MYO3B: variants seen among roughly 807,000 people sequenced by gnomAD.
MYO3B encodes the protein myosin-IIIb.
In MYO3B, 156 loss-of-function variants were observed where a neutral mutation model predicts 174.6. The ratio of observed to expected loss-of-function variants is 0.89; its 90% CI spans 0.78 to 1.02. The LOEUF is 1.02. Among genes scored for constraint, MYO3B ranks in the 50% least tolerant of loss-of-function variants. The pLI, the probability that MYO3B is intolerant of heterozygous loss-of-function variation, is 0.00. For synonymous variants in MYO3B, 563 were observed against 569.1 expected, an observed-to-expected ratio of 0.99 and a Z score of 0.15; for missense variants, 1,632 against 1,639.4, an observed-to-expected ratio of 1.00 and a Z score of 0.08.
At chr2:170,317,843 G>T (rs947870469) in intron 7 of MYO3B, among the ~76,000 whole-genome samples, 4 of 152,160 alleles carry the variant, frequency 2.6e-5, no homozygotes, top group Admixed American at 2.0e-4. Context: ...CTTTACTGCA[G>T]GATTTCCTAG....
intron 6 of MYO3B, among the ~76,000 whole-genome samples, chr2:170,218,077 T>C (rs140177007): frequency 6.6e-6 from 1 of 152,278 alleles, no homozygotes; most frequent in East Asian, 1.9e-4. Context: ...GTTCTTTTAA[T>C]AAAAGGACTC....
rs1015818915 is a variant in MYO3B at position 170,206,633 on chromosome 2, C to T, written c.321+6349C>T. Among the ~76,000 whole-genome samples the T allele has an allele frequency of 5.3e-5, 8 of 152,090 alleles. No individual in the cohort carries two copies. The highest frequency in any genetic ancestry group is 1.9e-4 in the African/African-American group (8 of 41,410). On this transcript the variant is annotated intron_variant, in intron 3 of 34. Transcript: ENST00000408978. This position sits in a 1 kb window ranked among gnomAD's most constrained non-coding sequence, Gnocchi z 4.3. ...AGTGACTTTGTGGAGTGGCATATTC[C>T]AGTATTTATATCCAATTTTCACTGT...
intron 6 of MYO3B, among the ~76,000 whole-genome samples, chr2:170,229,253 TCA>T (rs1317232106): frequency 5.3e-5 from 8 of 152,362 alleles, no homozygotes; most frequent in Admixed American, 1.3e-4. Flanking sequence ...TTCCTACCTC[TCA>T]GCCCATCTTA....
intron 30 of MYO3B, among the ~76,000 whole-genome samples, chr2:170,532,293 A>G (rs1377595190): frequency 6.6e-6 from 1 of 152,256 alleles, no homozygotes; most frequent in African/African-American, 2.4e-5. Flanking sequence ...AAACTATTCC[A>G]GATGAAAGGG....
intron 6 of MYO3B, among the ~76,000 whole-genome samples, chr2:170,230,163 T>G (rs1409406151): frequency 1.4e-5 from 2 of 140,198 alleles, no homozygotes; most frequent in East Asian, 2.0e-4. Context: ...GGGGACCTAG[T>G]TTTTTTTTTT....
intron 32 of MYO3B, among the ~76,000 whole-genome samples, chr2:170,588,013 A>G (rs556409358): frequency 4.7e-4 from 71 of 152,306 alleles, no homozygotes; most frequent in African/African-American, 1.4e-3. Context: ...GGACAAGTCA[A>G]TGTCAGGTTT....
At chr2:170,550,567 T>A (rs891462147) in intron 32 of MYO3B, among the ~76,000 whole-genome samples, 2 of 152,256 alleles carry the variant, frequency 1.3e-5, no homozygotes, top group Non-Finnish European at 2.9e-5. Flanking sequence ...GCTTTATATA[T>A]GTGGCTTTCT....
chr2:170,321,931 C>T (rs145038219), intron 7 of MYO3B, among the ~76,000 whole-genome samples: 169 of 151,896 alleles, frequency 1.1e-3, no homozygotes, highest in African/African-American at 3.9e-3. Flanking sequence ...CTGGCCAACA[C>T]GGTGAAACCC....
intron 22 of MYO3B, among the ~76,000 whole-genome samples, chr2:170,414,688 T>A (rs1033995535): frequency 3.3e-5 from 5 of 152,378 alleles, no homozygotes; most frequent in Non-Finnish European, 7.3e-5. Flanking sequence ...GCAACCTTGC[T>A]ATGTTGAATA....
intron 16 of MYO3B, among the ~76,000 whole-genome samples, chr2:170,393,766 G>A (rs1400598754): frequency 2.0e-5 from 3 of 152,024 alleles, no homozygotes; most frequent in South Asian, 4.2e-4. Context: ...CTAGCCAGCT[G>A]TTAATTTTCT....
chr2:170,495,995 A>C (rs921062147), intron 25 of MYO3B, among the ~76,000 whole-genome samples: 16 of 152,224 alleles, frequency 1.1e-4, no homozygotes, highest in African/African-American at 3.9e-4. Context: ...GTCCAGAGAA[A>C]GGTCTAAGCT....
At chr2:170,452,604 A>G (rs1412236941) in intron 23 of MYO3B, among the ~76,000 whole-genome samples, 1 of 152,236 alleles carries the variant, frequency 6.6e-6, no homozygotes, top group Non-Finnish European at 1.5e-5. Context: ...GACTCCAGCC[A>G]GGAAAGCCAA....
At chr2:170,491,353 T>A (rs1686454540) in intron 25 of MYO3B, among the ~76,000 whole-genome samples, 1 of 152,242 alleles carries the variant, frequency 6.6e-6, no homozygotes. Flanking sequence ...GATATCTTTC[T>A]GTTGTTGATT....
chr2:170,641,537 C>T (rs1479349394), intron 32 of MYO3B: 1 of 152,030 alleles, frequency 6.6e-6, no homozygotes, highest in African/African-American at 2.4e-5. Context: ...TATAGAAAAA[C>T]ATTGGAAACA....
intron 3 of MYO3B, among the ~76,000 whole-genome samples, chr2:170,207,034 A>G (rs1319382625): frequency 6.6e-6 from 1 of 152,178 alleles, no homozygotes; most frequent in African/African-American, 2.4e-5. Flanking sequence ...AATCTCAAGC[A>G]TGGTCTACCT....
chr2:170,481,191 C>T (rs1685665763), intron 25 of MYO3B, among the ~76,000 whole-genome samples: 1 of 152,202 alleles, frequency 6.6e-6, no homozygotes. Flanking sequence ...CATTAGACTT[C>T]TTTTCTTTTC....
intron 22 of MYO3B, among the ~76,000 whole-genome samples, chr2:170,440,115 T>G (rs1380989781): frequency 6.6e-6 from 1 of 152,216 alleles, no homozygotes; most frequent in African/African-American, 2.4e-5. Flanking sequence ...GAAGAGATTA[T>G]TTTACCCCAT....
chr2:170,329,152 C>CA lies in MYO3B; in HGVS notation c.750-6222dup, dbSNP rs57648392. 3.8e-4 allele frequency among the ~76,000 whole-genome samples: 52 copies of CA among 136,820 alleles called. 1 individual carries two copies. The highest frequency in any genetic ancestry group is 2.6e-3 in the South Asian group (11 of 4,300). The allele number at this position is 136,820 out of a possible 152,430, so 89.8% of individuals were successfully genotyped here. On this transcript the variant is annotated intron_variant, in intron 7 of 34. Transcript: ENST00000408978. ...GGGCGACTGAGTGAGACTCTGTCTC[C>CA]AAAAAAAAAAATACTACTACTACTA... is the stretch of plus-strand genomic sequence containing the variant.
Position 170,356,213 on chromosome 2 carries a change from G to A in MYO3B, c.816-13009G>A, listed in dbSNP as rs182747986. Among the ~76,000 whole-genome samples the A allele has an allele frequency of 9.7e-3, 1,474 of 151,326 alleles. 26 individuals are homozygous for A. Among genetic ancestry groups the A allele is most frequent in the African/African-American group, 0.031 (1,298 of 41,214 alleles). On this transcript the variant is annotated intron_variant, in intron 8 of 34. Transcript: ENST00000408978. ...CCTGACCTCGTGATCCGCCCACCTC[G>A]GCCTCCCAAAGTGCTGGGATTACAG...
Sources: allele counts gnomAD v4.1 joint callset (sites outside exome capture counted in the v4.1 genomes callset), GRCh38; gene constraint gnomAD v4.1.1; non-coding constraint Gnocchi (gnomAD v3.1); transcripts MANE v1.5; gene names NCBI Gene and HGNC (gene_info 2026-07-23, HGNC 2026-07-21).